PCA3: variants seen among roughly 807,000 people sequenced by gnomAD.
PCA3 encodes prostate cancer associated 3, also known as Differential Display code 3.
At chr9:76,784,679 T>C (rs1461290163) in intron 2 of PCA3, 1 of 152,284 alleles carries the variant, frequency 6.6e-6, no homozygotes, top group African/African-American at 2.4e-5. Flanking sequence ...CTGCCTAATA[T>C]GTAGCTGACT....
At chr9:76,779,834 A>G (rs1271788487) in intron 2 of PCA3, 1 of 152,212 alleles carries the variant, frequency 6.6e-6, no homozygotes, top group African/African-American at 2.4e-5. Context: ...TCCCATTATC[A>G]CCATATGTCA....
intron 2 of PCA3, among the ~76,000 whole-genome samples, chr9:76,780,754 T>C (rs1385174069): frequency 6.6e-6 from 1 of 152,092 alleles, no homozygotes; most frequent in Non-Finnish European, 1.5e-5. Flanking sequence ...TTTGTTTTTG[T>C]TTTTGTTTTC....
chr9:76,783,321 G>C (rs1041878329), intron 2 of PCA3, among the ~76,000 whole-genome samples: 4 of 152,084 alleles, frequency 2.6e-5, no homozygotes, highest in African/African-American at 9.7e-5. Context: ...ATTTTTAGTA[G>C]AGATGGGGTT....
chr9:76,771,938 T>C (rs1437368309), intron 2 of PCA3, among the ~76,000 whole-genome samples: 1 of 152,174 alleles, frequency 6.6e-6, no homozygotes, highest in Non-Finnish European at 1.5e-5. Context: ...AGGAGGACAC[T>C]AATGGCGTGG....
chr9:76,766,162 G>A (rs1248785121), intron 2 of PCA3, among the ~76,000 whole-genome samples: 3 of 144,484 alleles, frequency 2.1e-5, no homozygotes, highest in Non-Finnish European at 4.5e-5. Flanking sequence ...TAGCCTGGGT[G>A]ACAGAGCAAG....
chr9:76,766,932 C>T (rs2052463901), intron 2 of PCA3, among the ~76,000 whole-genome samples: 1 of 152,094 alleles, frequency 6.6e-6, no homozygotes, highest in Non-Finnish European at 1.5e-5. Context: ...TTCAAAATGA[C>T]CATTTTCCTT....
chr9:76,776,975 G>A (rs1004222044), intron 2 of PCA3, among the ~76,000 whole-genome samples: 10 of 148,188 alleles, frequency 6.7e-5, no homozygotes, highest in East Asian at 4.0e-4. Flanking sequence ...TCCACTCAGC[G>A]GAGATTCTCG....
At position 76,768,577 on chromosome 9, in the gene PCA3, A is replaced by ATG. The variant is rs879821167; in HGVS notation, n.852+31963_852+31964insGT. ...TATCTTTGGGTTGATATATATATGT[A>ATG]TATGTATGTGTGTGTGTGTGTGTGT... On this transcript the variant is annotated intron_variant and non_coding_transcript_variant, in intron 2 of 5. Coordinates refer to ENST00000644657, the Ensembl canonical transcript of PCA3. 5.4e-3 allele frequency among the ~76,000 whole-genome samples: 530 copies of ATG among 98,132 alleles called. 1 individual carries two copies. The highest frequency in any genetic ancestry group is 0.014 in the African/African-American group (426 of 30,512). The allele number at this position is 98,132 out of a possible 152,430, so 64.4% of individuals were successfully genotyped here.
chr9:76,778,975 T>G (rs2054087253), intron 2 of PCA3: 1 of 152,228 alleles, frequency 6.6e-6, no homozygotes. Context: ...TCCAGTTGGC[T>G]TCTTGGGTTT....
chr9:76,776,887 AACACATACACACACACACACACACAC>A (rs2053836052), intron 2 of PCA3, among the ~76,000 whole-genome samples: 1 of 96,508 alleles, frequency 1.0e-5, no homozygotes, highest in African/African-American at 3.5e-5. Flanking sequence ...TCATTACCAA[AACACATACACACACACACACACACAC>A]ACACACACAC....
At chr9:76,774,011 C>G (rs73460267) in intron 2 of PCA3, among the ~76,000 whole-genome samples, 12,299 of 151,998 alleles carry the variant, frequency 0.081, 1,571 homozygotes, top group African/African-American at 0.27. Context: ...GTCTTCAGGG[C>G]TAGGAAAGGA....
At chr9:76,780,388 C>A (rs981270702) in intron 2 of PCA3, among the ~76,000 whole-genome samples, 1 of 152,024 alleles carries the variant, frequency 6.6e-6, no homozygotes, top group African/African-American at 2.4e-5. Flanking sequence ...ATCCAAGATT[C>A]ATTTAAAACC....
intron 2 of PCA3, among the ~76,000 whole-genome samples, chr9:76,773,085 C>A (rs1589139960): frequency 6.6e-6 from 1 of 152,156 alleles, no homozygotes. Context: ...AAATTTATAA[C>A]CTGAGATCCT....
intron 2 of PCA3, among the ~76,000 whole-genome samples, chr9:76,772,349 T>TA (rs113296687): frequency 6.6e-6 from 1 of 151,512 alleles, no homozygotes; most frequent in Non-Finnish European, 1.5e-5. Context: ...ATTTTTTTTT[T>TA]AAATGGCAAT....
intron 2 of PCA3, among the ~76,000 whole-genome samples, chr9:76,774,460 T>TATTTATTTATTTATTTTTTTA (rs1564272674): frequency 2.2e-5 from 3 of 138,662 alleles, no homozygotes; most frequent in East Asian, 4.1e-4. Flanking sequence ...CTTTTTTTTT[T>TATTTATTTATTTATTTTTTTA]TTTTTTTTTT....
intron 2 of PCA3, among the ~76,000 whole-genome samples, chr9:76,776,947 A>AC (rs1564280253): frequency 4.6e-5 from 5 of 108,518 alleles, no homozygotes; most frequent in Admixed American, 1.9e-4. Flanking sequence ...CACACACACA[A>AC]AGGGCCTGGA....
chr9:76,784,208 T>G (rs1204637477), intron 2 of PCA3: 1 of 152,104 alleles, frequency 6.6e-6, no homozygotes, highest in Non-Finnish European at 1.5e-5. Flanking sequence ...CATTAGAAAA[T>G]GAATTGATGT....
intron 2 of PCA3, among the ~76,000 whole-genome samples, chr9:76,774,731 T>C (rs1415742795): frequency 6.6e-6 from 1 of 152,072 alleles, no homozygotes; most frequent in African/African-American, 2.4e-5. Context: ...AGTGCTGGGA[T>C]TACAAGTGTG....
chr9:76,774,983 G>C (rs2053580909), intron 2 of PCA3, among the ~76,000 whole-genome samples: 1 of 152,078 alleles, frequency 6.6e-6, no homozygotes, highest in Non-Finnish European at 1.5e-5. Context: ...TGAGTTATGA[G>C]AAACAAAAAT....
Sources: gnomAD v4.1 joint callset for allele counts (sites outside exome capture counted in the v4.1 genomes callset) on GRCh38, gnomAD v4.1.1 for gene constraint, MANE v1.5 for transcripts, NCBI Gene and HGNC (gene_info 2026-07-23, HGNC 2026-07-21) for gene names.